TENM3: variants seen among roughly 807,000 people sequenced by gnomAD.
TENM3 encodes the protein teneurin transmembrane protein 3.
A neutral mutation model predicts 255.1 loss-of-function variants in TENM3; 63 were observed. That is an observed-to-expected ratio of 0.25 (90% CI 0.20 to 0.30). TENM3 has a LOEUF of 0.30. TENM3 is among the 10% of genes least tolerant of loss of function. The pLI is 1.00. For synonymous variants in TENM3, 1,306 were observed against 1,322.3 expected, an observed-to-expected ratio of 0.99 and a Z score of 0.27; for missense variants, 2,929 against 3,461.1, an observed-to-expected ratio of 0.85 and a Z score of 3.86.
At chr4:181,585,000 T>C in the TENM3 span, among the ~76,000 whole-genome samples, 6 of 31,374 alleles carry the variant, frequency 1.9e-4, no homozygotes, top group South Asian at 0.016. Flanking sequence ...ACGTATCCAG[T>C]GGCAAAAAAA....
At chr4:181,890,617 G>A in the TENM3 span, among the ~76,000 whole-genome samples, 3 of 151,968 alleles carry the variant, frequency 2.0e-5, no homozygotes, top group African/African-American at 7.3e-5. Context: ...ATTCTAACGT[G>A]TTAGACTAAA....
chr4:181,998,855 T>A, the TENM3 span, among the ~76,000 whole-genome samples: 1 of 152,190 alleles, frequency 6.6e-6, no homozygotes, highest in African/African-American at 2.4e-5. Flanking sequence ...TTTATCAGAC[T>A]GCCCTGGTCA....
At chr4:182,349,208 G>C (rs1337948339) in intron 3 of TENM3, among the ~76,000 whole-genome samples, 1 of 152,172 alleles carries the variant, frequency 6.6e-6, no homozygotes, top group African/African-American at 2.4e-5. Context: ...TTTTCCGAAG[G>C]TTTGGTTGTG....
At chr4:182,600,731 AACT>A (rs960838804) in intron 3 of TENM3, among the ~76,000 whole-genome samples, 190 bp from the exon 4 acceptor site, 3 of 152,016 alleles carry the variant, frequency 2.0e-5, no homozygotes, top group African/African-American at 7.2e-5. Context: ...ATCAAGGGTA[AACT>A]TGCTCTTAGA....
At chr4:182,116,409 G>A in the TENM3 span, among the ~76,000 whole-genome samples, 2 of 151,972 alleles carry the variant, frequency 1.3e-5, no homozygotes, top group South Asian at 2.1e-4. Context: ...TAATCCCCAC[G>A]TGTCATAGGA....
the TENM3 span, among the ~76,000 whole-genome samples, chr4:181,704,526 A>G: frequency 6.6e-6 from 1 of 152,114 alleles, no homozygotes; most frequent in African/African-American, 2.4e-5. Context: ...AATTTTGTTC[A>G]GATACAAATT....
At chr4:182,032,939 C>T in the TENM3 span, among the ~76,000 whole-genome samples, 2 of 150,876 alleles carry the variant, frequency 1.3e-5, no homozygotes, top group Non-Finnish European at 3.0e-5. Context: ...CTCTTTTCTT[C>T]TTTATTAGTC....
the TENM3 span, among the ~76,000 whole-genome samples, chr4:181,515,215 G>A: frequency 1.3e-5 from 2 of 152,046 alleles, no homozygotes; most frequent in East Asian, 1.9e-4. Flanking sequence ...GCTTTCCCCC[G>A]GCTCACATTT....
At chr4:181,820,420 T>G in the TENM3 span, 2 of 152,124 alleles carry the variant, frequency 1.3e-5, no homozygotes, top group African/African-American at 4.8e-5. Context: ...TACAAGAAAC[T>G]TTTTCATATT....
intron 3 of TENM3, among the ~76,000 whole-genome samples, chr4:182,448,275 G>A (rs1773097215): frequency 6.6e-6 from 1 of 152,178 alleles, no homozygotes; most frequent in Non-Finnish European, 1.5e-5. Context: ...GAGGCCCAGG[G>A]GCGAGCGCGG....
chr4:182,293,485 GCT>G lies in TENM3; in HGVS notation c.-75-30458_-75-30457del, dbSNP rs545615131. On this transcript the variant is annotated intron_variant, in intron 1 of 27. Coordinates refer to ENST00000511685, the MANE Select transcript of TENM3 (RefSeq NM_001080477.4). ...CTCTCTTCCTCTTTCTCTTTCTCCT[GCT>G]CTTTCTTCCTTTCTTGAGATGTCAA... 9.9e-5 allele frequency among the ~76,000 whole-genome samples: 15 copies of G among 152,254 alleles called. No individual in the cohort carries two copies. In the East Asian group the frequency reaches 2.9e-3, roughly 29 times the overall value.
chr4:181,739,593 C>G, the TENM3 span, among the ~76,000 whole-genome samples: 1 of 152,164 alleles, frequency 6.6e-6, no homozygotes, highest in South Asian at 2.1e-4. Context: ...ATAAATTACA[C>G]TAACTGAGCT....
chr4:182,745,924 A>G (rs893560507), intron 19 of TENM3, among the ~76,000 whole-genome samples: 20 of 152,016 alleles, frequency 1.3e-4, no homozygotes, highest in Non-Finnish European at 2.6e-4. Flanking sequence ...TCCCTCTCTC[A>G]TGATCCTCCA....
chr4:181,569,228 G>T, the TENM3 span, among the ~76,000 whole-genome samples: 2 of 152,148 alleles, frequency 1.3e-5, no homozygotes, highest in African/African-American at 4.8e-5. Flanking sequence ...CTTTCTTATT[G>T]TGTCTGGTCC....
At chr4:182,189,052 A>G (rs768786045) in intron 1 of TENM3, among the ~76,000 whole-genome samples, 3 of 152,174 alleles carry the variant, frequency 2.0e-5, no homozygotes, top group Non-Finnish European at 2.9e-5. Flanking sequence ...AAATAAGTAA[A>G]TGGAAATTTT....
chr4:182,236,013 C>G (rs1756883207), intron 1 of TENM3, among the ~76,000 whole-genome samples: 1 of 152,156 alleles, frequency 6.6e-6, no homozygotes, highest in African/African-American at 2.4e-5. Context: ...TGACCAGATT[C>G]ACATTTGCCT....
the TENM3 span, among the ~76,000 whole-genome samples, chr4:181,850,712 A>G: frequency 6.6e-6 from 1 of 152,140 alleles, no homozygotes; most frequent in Non-Finnish European, 1.5e-5. Context: ...TACATTTTAA[A>G]TTTTAATATT....
chr4:181,491,729 T>A, the TENM3 span, among the ~76,000 whole-genome samples: 1 of 152,056 alleles, frequency 6.6e-6, no homozygotes, highest in Non-Finnish European at 1.5e-5. Context: ...CAGAGATGAG[T>A]GCTATTAAAA....
the TENM3 span, among the ~76,000 whole-genome samples, chr4:181,815,902 C>T: frequency 2.0e-5 from 3 of 152,166 alleles, no homozygotes; most frequent in African/African-American, 7.2e-5. Context: ...CTCAGAATAG[C>T]ATGCTTTATA....
Sources: allele counts gnomAD v4.1 joint callset (sites outside exome capture counted in the v4.1 genomes callset), GRCh38; gene constraint gnomAD v4.1.1; transcripts MANE v1.5; gene names NCBI Gene and HGNC (gene_info 2026-07-23, HGNC 2026-07-21).